Variants in PAH observed in about 807,000 individuals in gnomAD.
PAH encodes the protein phenylalanine hydroxylase, also known as phenylalanine-4-hydroxylase.
A neutral mutation model predicts 62.0 loss-of-function variants in PAH; 64 were observed. The ratio of observed to expected loss-of-function variants is 1.03; its 90% confidence interval spans 0.84 to 1.27. PAH has a LOEUF of 1.27. PAH is among the 50% of genes most tolerant of loss of function. PAH has a pLI of 0.00. For missense variants in PAH, 579 were observed against 542.8 expected, an observed-to-expected ratio of 1.07 and a Z score of -0.66; for synonymous variants, 195 against 196.2, an observed-to-expected ratio of 0.99 and a Z score of 0.05.
At chr12:102,863,586 T>C (rs1215256485) in intron 5 of PAH, among the ~76,000 whole-genome samples, 1 of 152,174 alleles carries the variant, frequency 6.6e-6, no homozygotes, top group African/African-American at 2.4e-5. Flanking sequence ...TGGTTGACTT[T>C]GTTGGAAATA....
chr12:102,901,906 A>G (rs536621233), intron 2 of PAH, among the ~76,000 whole-genome samples: 18 of 145,170 alleles, frequency 1.2e-4, no homozygotes, highest in African/African-American at 4.5e-4. Flanking sequence ...GGAAAAGCAG[A>G]AAAAAAAATC....
chr12:102,900,395 G>A (rs1231544292), intron 2 of PAH, among the ~76,000 whole-genome samples: 1 of 151,904 alleles, frequency 6.6e-6, no homozygotes, highest in Non-Finnish European at 1.5e-5. Flanking sequence ...CTGTTAAATG[G>A]TTATAATGAT....
chr12:102,905,464 A>G (rs942868306), intron 2 of PAH, among the ~76,000 whole-genome samples: 4 of 152,182 alleles, frequency 2.6e-5, no homozygotes, highest in African/African-American at 9.7e-5. Context: ...TCTCTTTACA[A>G]CAAAAAGAGA....
intron 4 of PAH, among the ~76,000 whole-genome samples, chr12:102,868,424 A>G (rs1876157992): frequency 6.6e-6 from 1 of 151,196 alleles, no homozygotes; most frequent in Non-Finnish European, 1.5e-5. Context: ...AGTGAAGTAA[A>G]ACTACTACAC....
At chr12:102,917,516 G>A (rs1376251253), upstream of PAH, 8 of 307,626 alleles carry the variant, frequency 2.6e-5, no homozygotes, top group Admixed American at 1.3e-4. Context: ...TCAGAAGCCT[G>A]GGAAGCGAGT....
intron 1 of PAH, chr12:102,958,139 T>C: frequency 1.3e-6 from 1 of 794,312 alleles, no homozygotes; most frequent in Non-Finnish European, 1.8e-6. Flanking sequence ...TCCTTTTCTT[T>C]CCCTCTCTGT....
At chr12:102,953,235 T>C (rs1208095232), upstream of PAH, 1 of 152,186 alleles carries the variant, frequency 6.6e-6, no homozygotes, top group African/African-American at 2.4e-5. Context: ...AAATCCAGAA[T>C]CCAAGACTTG....
intron 4 of PAH, 174 bp downstream of exon 4, chr12:102,877,288 A>T: frequency 3.0e-6 from 2 of 674,244 alleles, no homozygotes; most frequent in Non-Finnish European, 5.4e-6. Flanking sequence ...CATGATAATG[A>T]TGATGACAAT....
chr12:102,927,402 C>T (rs1307166888), intron 1 of PAH, among the ~76,000 whole-genome samples: 1 of 151,364 alleles, frequency 6.6e-6, no homozygotes, highest in Non-Finnish European at 1.5e-5. Flanking sequence ...ATTTTGTTTC[C>T]ACTCTTCTGT....
At chr12:102,863,985 C>T (rs184403353) in intron 5 of PAH, among the ~76,000 whole-genome samples, 5 of 152,222 alleles carry the variant, frequency 3.3e-5, no homozygotes, top group Non-Finnish European at 7.4e-5. Flanking sequence ...CATTTTGAAT[C>T]TTTACTTTTA....
At chr12:102,844,058 T>C (rs1043875251) in intron 10 of PAH, among the ~76,000 whole-genome samples, 4 of 152,142 alleles carry the variant, frequency 2.6e-5, no homozygotes, top group Admixed American at 2.6e-4. Context: ...CTTTCTGGCA[T>C]GTGTTTGCAT....
intron 3 of PAH, among the ~76,000 whole-genome samples, chr12:102,888,024 T>C (rs1877111937): frequency 6.6e-6 from 1 of 152,216 alleles, no homozygotes; most frequent in Non-Finnish European, 1.5e-5. Flanking sequence ...CAAATGGCAT[T>C]TCACGGTTGC....
chr12:102,910,084 T>C (rs1208617689), intron 2 of PAH, among the ~76,000 whole-genome samples: 1 of 152,174 alleles, frequency 6.6e-6, no homozygotes, highest in African/African-American at 2.4e-5. Context: ...GAACACAACA[T>C]ATATAAAACT....
At chr12:102,841,126 C>A (rs116971429) in intron 11 of PAH, among the ~76,000 whole-genome samples, 2 of 152,102 alleles carry the variant, frequency 1.3e-5, no homozygotes, top group African/African-American at 4.8e-5. Flanking sequence ...GGGAAGGCTG[C>A]GTGACTACTA....
chr12:102,905,675 C>T (rs571082931), intron 2 of PAH, among the ~76,000 whole-genome samples: 1 of 151,244 alleles, frequency 6.6e-6, no homozygotes, highest in African/African-American at 2.5e-5. Context: ...ATCGCTGACT[C>T]CCCACAGCAC....
intron 4 of PAH, among the ~76,000 whole-genome samples, chr12:102,868,674 A>G (rs1174150412): frequency 6.6e-6 from 1 of 151,594 alleles, no homozygotes; most frequent in African/African-American, 2.4e-5. Flanking sequence ...AAAAAAAAAA[A>G]ATAAAACTGG....
At position 102,877,455 on chromosome 12, in the gene PAH, G is replaced by T. The variant is rs775999845; in HGVS notation, c.441+7C>A. The T allele has an allele frequency of 5.3e-5, 85 of 1,607,868 alleles. No homozygotes were observed. The highest frequency in any genetic ancestry group is 6.9e-5 in the Non-Finnish European group (81 of 1,174,460). Reference sequence around the variant, plus strand: ...AAAAAATCTCATCCTACGGGCCATGGACTCACAGGGTGGTCAGCATCCAGT... The same window carrying T: ...AAAAAATCTCATCCTACGGGCCATGTACTCACAGGGTGGTCAGCATCCAGT... On this transcript the variant is annotated splice_region_variant and intron_variant, in intron 4 of 12. Transcript: ENST00000553106.
At chr12:102,881,272 A>G (rs1876802509) in intron 3 of PAH, among the ~76,000 whole-genome samples, 1 of 151,250 alleles carries the variant, frequency 6.6e-6, no homozygotes, top group South Asian at 2.1e-4. Context: ...TCGGCCTCCC[A>G]AAGTTCTGGG....
rs267606667 is a variant in PAH at position 102,958,296 on chromosome 12, C to A, written c.-197G>T. On this transcript the variant is annotated 5_prime_UTR_variant, in exon 1 of 5. Transcript: ENST00000551337. ...CGGCGGCGCCGGCCAGCAGCCCCAG[C>A]CGCAGCCCCAGCAGCCCTTCCTGCC... 6.8e-6 allele frequency: 10 copies of A among 1,480,012 alleles called. No homozygotes were observed. Among genetic ancestry groups the A allele is most frequent in the Non-Finnish European group, 8.9e-6 (10 of 1,120,990 alleles). 91.7% of individuals were successfully genotyped at this position (1,480,012 alleles called of 1,614,324 possible).
Sources: gnomAD v4.1 joint callset for allele counts (sites outside exome capture counted in the v4.1 genomes callset) on GRCh38, gnomAD v4.1.1 for gene constraint, MANE v1.5 for transcripts, NCBI Gene and HGNC (gene_info 2026-07-23, HGNC 2026-07-21) for gene names.